CFAP299: variants seen among roughly 807,000 people sequenced by gnomAD.
CFAP299 encodes cilia- and flagella-associated protein 299.
In CFAP299, 21 loss-of-function variants were observed where a neutral mutation model predicts 27.0. That is an observed-to-expected ratio of 0.78 (90% CI 0.55 to 1.12). The LOEUF (loss-of-function observed/expected upper bound fraction) is 1.12, where lower values mean the gene tolerates loss of function less well. Ranked by LOEUF, CFAP299 falls within the 50% of genes most tolerant of loss-of-function variation. CFAP299 has a pLI of 0.00. For synonymous variants in CFAP299, 104 were observed against 98.1 expected (o/e 1.06, Z -0.36); for missense variants, 310 against 276.6 (o/e 1.12, Z -0.86).
At chr4:80,441,816 CAT>C (rs1240197092) in intron 2 of CFAP299, among the ~76,000 whole-genome samples, 91 of 152,128 alleles carry the variant, frequency 6.0e-4, no homozygotes, top group African/African-American at 1.8e-3. Flanking sequence ...AGAACCTACT[CAT>C]GTGCAAAAAC....
At chr4:80,355,317 A>G (rs1206794626) in intron 1 of CFAP299, among the ~76,000 whole-genome samples, 5 of 145,084 alleles carry the variant, frequency 3.4e-5, no homozygotes, top group Non-Finnish European at 7.6e-5. Flanking sequence ...TGTTGGTCAC[A>G]TGTATGTCTT....
intron 2 of CFAP299, among the ~76,000 whole-genome samples, chr4:80,548,309 A>G (rs901521697): frequency 6.6e-6 from 1 of 152,136 alleles, no homozygotes; most frequent in African/African-American, 2.4e-5. Flanking sequence ...TATGTTCTCA[A>G]GTATAAGTGG....
intron 3 of CFAP299, among the ~76,000 whole-genome samples, chr4:80,778,662 G>T (rs1430784179): frequency 6.6e-6 from 1 of 151,856 alleles, no homozygotes; most frequent in Non-Finnish European, 1.5e-5. Context: ...CCAATGCACT[G>T]CAACATAGCC....
rs764526950 is a variant in CFAP299, at chr4:80,713,153, G to A, written c.333+129970G>A. ...AGTAGAGAAGCAGAAGCAAAAGTAT[G>A]TAGGTGAGAGATAGCACAGGAAACC... On this transcript the variant is annotated intron_variant, in intron 3 of 5. Transcript: ENST00000358105. Among the ~76,000 whole-genome samples the A allele has an allele frequency of 4.6e-5, 7 of 152,282 alleles. No homozygotes were observed. The South Asian group carries it at 8.3e-4, about 18-fold the overall frequency.
intron 3 of CFAP299, among the ~76,000 whole-genome samples, chr4:80,747,959 C>A (rs1240206144): frequency 6.6e-6 from 1 of 151,968 alleles, no homozygotes; most frequent in Non-Finnish European, 1.5e-5. Flanking sequence ...TTCTGAATTC[C>A]TGATTTACAA....
In CFAP299 at chr4:80,944,884, A is replaced by T; in HGVS notation, c.551A>T (p.Glu184Val). Residue 184 changes from glutamate (E) to valine (V), a missense_variant, in exon 5 of 6, where the codon GAA becomes GTA. Coordinates refer to ENST00000358105, the MANE Select transcript of CFAP299 (RefSeq NM_152770.3). ...PNYQVIADNP[E>V]GLLFRYKRDR... Reference sequence around the variant, plus strand: ...TATCAAGTGATTGCCGATAATCCAGAAGGCTTACTTTTCAGATACAAAAGA... The same window carrying T: ...TATCAAGTGATTGCCGATAATCCAGTAGGCTTACTTTTCAGATACAAAAGA... The T allele has an allele frequency of 3.1e-6, 5 of 1,612,924 alleles. No homozygotes were observed. The highest frequency in any genetic ancestry group is 4.2e-6 in the Non-Finnish European group (5 of 1,179,122).
chr4:80,590,331 T>C (rs1007126021), intron 3 of CFAP299, among the ~76,000 whole-genome samples: 3 of 152,182 alleles, frequency 2.0e-5, no homozygotes, highest in African/African-American at 7.2e-5. Context: ...TAAAAGTATT[T>C]AAAACACTAT....
intron 1 of CFAP299, among the ~76,000 whole-genome samples, chr4:80,338,747 C>G (rs1722286665): frequency 6.6e-6 from 1 of 152,156 alleles, no homozygotes; most frequent in African/African-American, 2.4e-5. Context: ...CCTCAGAAAC[C>G]TAAGTATATA....
At chr4:80,673,179 A>G (rs1161405282) in intron 3 of CFAP299, among the ~76,000 whole-genome samples, 1 of 152,220 alleles carries the variant, frequency 6.6e-6, no homozygotes, top group East Asian at 1.9e-4. Flanking sequence ...ACACTGTTTT[A>G]AATGTGTCCC....
chr4:80,720,706 T>C (rs1313825823), intron 3 of CFAP299, among the ~76,000 whole-genome samples: 3 of 152,098 alleles, frequency 2.0e-5, no homozygotes, highest in African/African-American at 7.2e-5. Flanking sequence ...AATTCACAAC[T>C]TTTAGAAATT....
chr4:80,734,452 C>A (rs1295036863), intron 3 of CFAP299, among the ~76,000 whole-genome samples: 5 of 152,054 alleles, frequency 3.3e-5, no homozygotes, highest in African/African-American at 1.2e-4. Context: ...CTTTGCTATG[C>A]AGAAGCTTTT....
intron 3 of CFAP299, among the ~76,000 whole-genome samples, chr4:80,732,573 T>G (rs1238956476): frequency 6.6e-6 from 1 of 152,178 alleles, no homozygotes; most frequent in African/African-American, 2.4e-5. Context: ...AGCAATTGTC[T>G]CTAATGGTCC....
At chr4:80,461,421 T>A (rs1001272715) in intron 2 of CFAP299, among the ~76,000 whole-genome samples, 2 of 152,130 alleles carry the variant, frequency 1.3e-5, no homozygotes, top group Non-Finnish European at 2.9e-5. Context: ...AAGAAATATA[T>A]TTTGGGCAAA....
intron 3 of CFAP299, among the ~76,000 whole-genome samples, chr4:80,657,690 A>T (rs967805950): frequency 6.6e-6 from 1 of 152,174 alleles, no homozygotes; most frequent in Non-Finnish European, 1.5e-5. Context: ...CTTTTTGCTT[A>T]GGATTGTCTT....
At chr4:80,657,762 GA>G (rs1290880102) in intron 3 of CFAP299, among the ~76,000 whole-genome samples, 1 of 152,014 alleles carries the variant, frequency 6.6e-6, no homozygotes, top group Non-Finnish European at 1.5e-5. Context: ...CTAATTCTGT[GA>G]AAAAAGTCGA....
chr4:80,916,239 G>A, intron 4 of CFAP299, among the ~76,000 whole-genome samples: 1 of 105,362 alleles, frequency 9.5e-6, no homozygotes, highest in Non-Finnish European at 1.9e-5. Context: ...TCTGGTCTGG[G>A]CAACTAGACT....
chr4:80,574,766 G>A (rs1456766669), intron 2 of CFAP299, among the ~76,000 whole-genome samples: 6 of 152,216 alleles, frequency 3.9e-5, no homozygotes, highest in Middle Eastern at 3.4e-3. Context: ...CACATTAATT[G>A]ATTTTCATAT....
intron 2 of CFAP299, among the ~76,000 whole-genome samples, chr4:80,569,160 C>A (rs1735458245): frequency 1.3e-5 from 2 of 152,124 alleles, no homozygotes; most frequent in East Asian, 3.9e-4. Context: ...ACATTCTGAA[C>A]CCTGTTGATA....
chr4:80,785,316 C>T (rs1277770687), intron 3 of CFAP299, among the ~76,000 whole-genome samples: 1 of 152,066 alleles, frequency 6.6e-6, no homozygotes, highest in Non-Finnish European at 1.5e-5. Flanking sequence ...TCATGGATAA[C>T]TCTATGTGGT....
Sources: allele counts gnomAD v4.1 joint callset (sites outside exome capture counted in the v4.1 genomes callset), GRCh38; gene constraint gnomAD v4.1.1; transcripts MANE v1.5; gene names NCBI Gene and HGNC (gene_info 2026-07-23, HGNC 2026-07-21).